The following ADGRL2 variants were observed in gnomAD, a reference collection of about 807,000 sequenced individuals.
The protein encoded by ADGRL2 is calcium-independent alpha-latrotoxin receptor 2.
ADGRL2 carries 44 observed loss-of-function variants against 157.4 expected under a neutral mutation model. That is an observed-to-expected ratio of 0.28 (90% CI 0.22 to 0.36). The LOEUF (loss-of-function observed/expected upper bound fraction) is 0.36. Among genes scored for constraint, ADGRL2 ranks in the 10% least tolerant of loss-of-function variants. ADGRL2 has a pLI of 1.00. For missense variants in ADGRL2, 1,510 were observed against 1,768.9 expected (o/e 0.85, Z 2.63); for synonymous variants, 585 against 624.7 (o/e 0.94, Z 0.95).
intron 1 of ADGRL2, among the ~76,000 whole-genome samples, chr1:81,328,756 C>G (rs542908990): frequency 1.3e-5 from 2 of 152,098 alleles, no homozygotes; most frequent in South Asian, 4.2e-4. Context: ...TCTTTATCCA[C>G]CTAGTGCAAC....
At chr1:81,502,716 T>G in intron 2 of ADGRL2, 1 of 1,613,502 alleles carries the variant, frequency 6.2e-7, no homozygotes. Flanking sequence ...AAGCCTTGAG[T>G]TCCCCAGCCG....
At chr1:81,848,752 A>AT (rs1442356755) in intron 2 of ADGRL2, among the ~76,000 whole-genome samples, 3 of 152,056 alleles carry the variant, frequency 2.0e-5, no homozygotes, top group Admixed American at 6.6e-5. Flanking sequence ...ATAAGCATAT[A>AT]TTTTTTAAAA....
chr1:81,404,544 CT>C (rs1410149706), intron 1 of ADGRL2, among the ~76,000 whole-genome samples: 2 of 152,204 alleles, frequency 1.3e-5, no homozygotes, highest in African/African-American at 4.8e-5. Context: ...CAAAGCTCAG[CT>C]TCAAACCCAG....
intron 2 of ADGRL2, among the ~76,000 whole-genome samples, chr1:81,560,350 T>C (rs932971311): frequency 6.6e-6 from 1 of 152,210 alleles, no homozygotes; most frequent in Non-Finnish European, 1.5e-5. Context: ...TTCATTCTCC[T>C]CATTTGTAAA....
At chr1:81,722,771 G>A (rs1320817115) in intron 1 of ADGRL2, 3 of 780,534 alleles carry the variant, frequency 3.8e-6, no homozygotes, top group Non-Finnish European at 6.7e-6. Flanking sequence ...GAGCATGAGA[G>A]AGCCCGGAGG....
chr1:81,894,936 CT>C (rs1245769902), intron 2 of ADGRL2, among the ~76,000 whole-genome samples: 4 of 152,046 alleles, frequency 2.6e-5, no homozygotes, highest in African/African-American at 4.8e-5. Context: ...ATGGCTGATA[CT>C]TTTTAAGTGA....
At chr1:81,913,923 T>C (rs746473631) in intron 3 of ADGRL2, among the ~76,000 whole-genome samples, 8 of 152,128 alleles carry the variant, frequency 5.3e-5, no homozygotes, top group Non-Finnish European at 8.8e-5. Flanking sequence ...ACATGTCTAT[T>C]ATTTTCAAAT....
At chr1:81,485,725 C>A (rs973059415) in intron 2 of ADGRL2, among the ~76,000 whole-genome samples, 3 of 152,028 alleles carry the variant, frequency 2.0e-5, no homozygotes, top group Non-Finnish European at 2.9e-5. Flanking sequence ...AAACACTGAC[C>A]CTGCTTATAA....
intron 1 of ADGRL2, chr1:81,722,578 C>T (rs1279518036): frequency 1.0e-5 from 15 of 1,472,746 alleles, no homozygotes; most frequent in Non-Finnish European, 1.4e-5. Context: ...ACACAGACGC[C>T]TAGGCCACTG....
At chr1:81,353,472 G>A (rs1480337139) in intron 1 of ADGRL2, among the ~76,000 whole-genome samples, 1 of 152,164 alleles carries the variant, frequency 6.6e-6, no homozygotes, top group Non-Finnish European at 1.5e-5. Flanking sequence ...TAGAAAAGAT[G>A]CAGATTCAGG....
intron 2 of ADGRL2, among the ~76,000 whole-genome samples, chr1:81,514,398 G>A (rs2079136161): frequency 6.6e-6 from 1 of 152,118 alleles, no homozygotes; most frequent in Admixed American, 6.6e-5. Flanking sequence ...CTGAAAAGGA[G>A]GATTCACTCA....
At chr1:81,330,781 A>G (rs1317690310) in intron 1 of ADGRL2, among the ~76,000 whole-genome samples, 1 of 152,186 alleles carries the variant, frequency 6.6e-6, no homozygotes, top group Non-Finnish European at 1.5e-5. Flanking sequence ...TTGGAGGTTG[A>G]CATCTGCACC....
chr1:81,710,297 T>G (rs483233), intron 1 of ADGRL2, among the ~76,000 whole-genome samples: 112,495 of 151,864 alleles, frequency 0.74, 42,252 homozygotes, highest in Non-Finnish European at 0.78. Flanking sequence ...TTTGAGCTAA[T>G]AACCCATTTC....
At chr1:81,486,722 A>T (rs2078510438) in intron 2 of ADGRL2, among the ~76,000 whole-genome samples, 1 of 152,218 alleles carries the variant, frequency 6.6e-6, no homozygotes, top group African/African-American at 2.4e-5. Flanking sequence ...TGAACAGCAC[A>T]TGAAAATGTA....
At chr1:81,767,610 A>T (rs991776519) in intron 2 of ADGRL2, among the ~76,000 whole-genome samples, 1 of 152,108 alleles carries the variant, frequency 6.6e-6, no homozygotes, top group Non-Finnish European at 1.5e-5. Flanking sequence ...GGTGGCTCAC[A>T]CTTGTAATCT....
At chr1:81,770,720 G>A (rs1275837042) in intron 2 of ADGRL2, among the ~76,000 whole-genome samples, 2 of 150,062 alleles carry the variant, frequency 1.3e-5, no homozygotes, top group African/African-American at 2.5e-5. Context: ...TGATCCACCC[G>A]CCTCGGCCTC....
chr1:81,367,581 C>A (rs546619367), intron 1 of ADGRL2, among the ~76,000 whole-genome samples: 1 of 151,954 alleles, frequency 6.6e-6, no homozygotes, highest in Non-Finnish European at 1.5e-5. Flanking sequence ...TTTTTTGAGA[C>A]GGAGTTTCGC....
intron 2 of ADGRL2, among the ~76,000 whole-genome samples, chr1:81,495,568 C>T (rs1190529400): frequency 6.6e-6 from 1 of 152,136 alleles, no homozygotes; most frequent in Admixed American, 6.5e-5. Flanking sequence ...TGCAATGAAG[C>T]ACCTTCATTG....
chr1:81,501,772 G>T (rs1386454272), intron 2 of ADGRL2: 6 of 1,602,370 alleles, frequency 3.7e-6, no homozygotes, highest in Non-Finnish European at 3.4e-6. Flanking sequence ...AGGCAAAAAT[G>T]GAGCCACTTC....
Sources: allele counts gnomAD v4.1 joint callset (sites outside exome capture counted in the v4.1 genomes callset), GRCh38; gene constraint gnomAD v4.1.1; transcripts MANE v1.5; gene names NCBI Gene and HGNC (gene_info 2026-07-23, HGNC 2026-07-21).